The following MFSD8 variants were observed in gnomAD, a reference collection of about 807,000 sequenced individuals.
MFSD8 encodes the protein major facilitator superfamily domain-containing protein 8.
In MFSD8, 55 loss-of-function variants were observed where a neutral mutation model predicts 66.4. The ratio of observed to expected loss-of-function variants is 0.83; its 90% CI spans 0.67 to 1.04. MFSD8 has a LOEUF of 1.04. Among genes scored for constraint, MFSD8 ranks in the 50% least tolerant of loss-of-function variants. The probability of loss-of-function intolerance (pLI) is 0.00; values close to 1 mark genes in which losing one functional copy is unlikely to be tolerated. For synonymous variants in MFSD8, 202 were observed against 212.8 expected, an observed-to-expected ratio of 0.95 and a Z score of 0.44; for missense variants, 550 against 627.6, an observed-to-expected ratio of 0.88 and a Z score of 1.32.
At chr4:127,962,109 G>A (rs1346221324) in intron 1 of MFSD8, among the ~76,000 whole-genome samples, 6 of 152,280 alleles carry the variant, frequency 3.9e-5, no homozygotes, top group South Asian at 2.1e-4. Context: ...AACAGTCTGC[G>A]AGGAAAACAG....
At position 127,957,578 on chromosome 4, in the gene MFSD8, A is replaced by C. The variant is rs760049336; in HGVS notation, c.77T>G (p.Leu26Ter). 6.2e-7 allele frequency: 1 copy of C among 1,609,994 alleles called. No individual in the cohort carries two copies. The highest frequency in any genetic ancestry group is 1.7e-5 in the Admixed American group (1 of 59,900). Residue 26 changes from leucine to a stop codon, truncating the protein, a stop_gained, in exon 2 of 12, where the codon TTA becomes TGA. Transcript: ENST00000641686. LOFTEE classifies it high-confidence loss of function. Reference sequence around the variant, plus strand: ...GCTCTTATAATGCTCTTCAGTCTCTAAAATGTCCCATTCTCTAGGTGTAAA... The same window carrying C: ...GCTCTTATAATGCTCTTCAGTCTCTCAAATGTCCCATTCTCTAGGTGTAAA... ...DTPGSREWDI[L>*]ETEEHYKSRW... is the part of the protein sequence containing the mutation.
upstream of MFSD8, chr4:127,965,734 C>G (rs1288396368): frequency 6.0e-6 from 1 of 165,612 alleles, no homozygotes; most frequent in African/African-American, 2.4e-5. Context: ...GGGTCAGGGA[C>G]GCGGGGTGAG....
intron 1 of MFSD8, among the ~76,000 whole-genome samples, chr4:127,961,954 G>GAC (rs1000572297): frequency 6.6e-6 from 1 of 151,808 alleles, no homozygotes; most frequent in African/African-American, 2.4e-5. Flanking sequence ...AGGTTGTAAT[G>GAC]ACACACAGTT....
rs1378244554 is a variant in MFSD8 at position 127,949,785 on chromosome 4, T to C, written c.198+19A>G. 1 of 1,608,582 alleles carries C rather than the reference T, an allele frequency of 6.2e-7. No individual in the cohort carries two copies. The highest frequency in any genetic ancestry group is 1.3e-5 in the African/African-American group (1 of 74,780). On this transcript the variant is annotated intron_variant, in intron 3 of 11. Coordinates refer to ENST00000641686, the MANE Select transcript of MFSD8 (RefSeq NM_001371596.2). ...TACTACTGTAGCTATAAGGGAAAAA[T>C]AGATTGAAATGTACAAACCTTTTGG...
rs1736006761 is a variant in MFSD8 at position 127,918,000 on chromosome 4, T to G, written c.*2630A>C. The G allele has an allele frequency of 6.6e-6, 1 of 152,228 alleles. No homozygotes were observed. Among genetic ancestry groups the G allele is most frequent in the Non-Finnish European group, 1.5e-5 (1 of 68,034 alleles). 9.4% of individuals were successfully genotyped at this position (152,228 alleles called of 1,614,324 possible). A position where few individuals can be genotyped will look rare whatever the true frequency, so the allele number is the denominator to read the frequency against. On this transcript the variant is annotated 3_prime_UTR_variant, in exon 12 of 12. Transcript: ENST00000641686. The stretch of plus-strand genomic sequence containing the variant: ...CAAAAAATTAACAGATTTCACTTTA[T>G]GTAAGAGATAAGGTTTATATGAACA...
At chr4:127,938,608 TAA>T (rs1237346802) in intron 7 of MFSD8, among the ~76,000 whole-genome samples, 173 bp downstream of exon 7, 13 of 140,348 alleles carry the variant, frequency 9.3e-5, no homozygotes, top group African/African-American at 3.0e-4. Context: ...AATAAATAAA[TAA>T]ATAAATAAAT....
chr4:127,924,678 T>C (rs182684297), intron 9 of MFSD8, among the ~76,000 whole-genome samples: 9 of 152,280 alleles, frequency 5.9e-5, no homozygotes, highest in East Asian at 3.9e-4. Flanking sequence ...AAGTAACTTA[T>C]GGATTCAATG....
At position 127,939,800 on chromosome 4, in the gene MFSD8, C is replaced by G. The variant is rs1739829868; in HGVS notation, c.698+53G>C. 11 of 1,526,940 alleles carry G rather than the reference C, an allele frequency of 7.2e-6. No homozygotes were observed. The South Asian group carries it at 1.2e-4, about 17-fold the overall frequency. 94.6% of individuals were successfully genotyped at this position (1,526,940 alleles called of 1,614,324 possible). ...TAATTATCTTCCAACAATTACAAAG[C>G]TCATTAAATTTCACAATCTACAAAA... On this transcript the variant is annotated intron_variant, in intron 6 of 11. Transcript: ENST00000641686.
intron 3 of MFSD8, among the ~76,000 whole-genome samples, chr4:127,949,090 A>C (rs1179072464): frequency 6.6e-6 from 1 of 152,258 alleles, no homozygotes; most frequent in Non-Finnish European, 1.5e-5. Context: ...TTACAAGAGC[A>C]GTTTCAGGAC....
rs1488978360 is a variant in MFSD8, at chr4:127,947,886, ACACACACACACACT to A, written c.198+1904_198+1917del. 5.4e-5 allele frequency among the ~76,000 whole-genome samples: 8 copies of A among 149,252 alleles called. No individual in the cohort carries two copies. In the South Asian group the frequency reaches 1.7e-3, roughly 31 times the overall value. On this transcript the variant is annotated intron_variant, in intron 3 of 11. Transcript: ENST00000641686. ...TGAACACACACACACACACACACAC[ACACACACACACACT>A]CTCTCTCCAACCTCATAGAAAAACC...
At chr4:127,958,580 A>G (rs1743258233) in intron 1 of MFSD8, among the ~76,000 whole-genome samples, 1 of 152,164 alleles carries the variant, frequency 6.6e-6, no homozygotes, top group Non-Finnish European at 1.5e-5. Context: ...AGTGTTTAAC[A>G]CTATATATGT....
At chr4:127,938,476 A>C (rs1280234761) in intron 7 of MFSD8, among the ~76,000 whole-genome samples, 1 of 151,756 alleles carries the variant, frequency 6.6e-6, no homozygotes, top group Non-Finnish European at 1.5e-5. Flanking sequence ...CCAGCTACTC[A>C]GGAGGCTGAG....
chr4:127,920,302 C>A lies in MFSD8; in HGVS notation c.*328G>T, dbSNP rs1229385861. On this transcript the variant is annotated 3_prime_UTR_variant, in exon 12 of 12. Coordinates refer to ENST00000641686, the MANE Select transcript of MFSD8 (RefSeq NM_001371596.2). ...GTTCCACTGTATATTATTTTAATGA[C>A]ACTTCTGCAGTGGGTATTAAGAATA... 6.3e-6 allele frequency: 2 copies of A among 316,662 alleles called. No individual in the cohort carries two copies. Among genetic ancestry groups the A allele is most frequent in the East Asian group, 1.5e-4 (2 of 13,592 alleles). 19.6% of individuals were successfully genotyped at this position (316,662 alleles called of 1,614,324 possible).
chr4:127,957,823 A>C (rs111889722), intron 1 of MFSD8, among the ~76,000 whole-genome samples: 8 of 152,356 alleles, frequency 5.3e-5, no homozygotes, highest in African/African-American at 1.7e-4. Flanking sequence ...TAGTTTTAAA[A>C]GAGGAAACTT....
chr4:127,933,859 T>C (rs1240365123), intron 7 of MFSD8: 1 of 152,242 alleles, frequency 6.6e-6, no homozygotes, highest in African/African-American at 2.4e-5. Context: ...TATGATTTAC[T>C]ACAATGGATA....
Position 127,921,653 on chromosome 4 carries a change from C to T in MFSD8, c.1221G>A (p.Trp407Ter). 6.2e-7 allele frequency: 1 copy of T among 1,614,110 alleles called. No individual in the cohort carries two copies. The highest frequency in any genetic ancestry group is 8.5e-7 in the Non-Finnish European group (1 of 1,180,024). ...RPTGCSIEQAWCLYTPVIHLA... is the reference protein window; with the variant it reads ...RPTGCSIEQA ...GATGAATCACCGGGGTGTAGAGGCA[C>T]CAGGCTTGTTCAATCGAGCAACCAG... Residue 407 changes from tryptophan (W) to a stop codon, truncating the protein, a stop_gained, in exon 11 of 12, where the codon TGG becomes TGA. Coordinates refer to ENST00000641686, the MANE Select transcript of MFSD8 (RefSeq NM_001371596.2). LOFTEE classifies it high-confidence loss of function.
At chr4:127,950,977 C>T (rs1242068454) in intron 2 of MFSD8, among the ~76,000 whole-genome samples, 1 of 150,438 alleles carries the variant, frequency 6.6e-6, no homozygotes, top group Non-Finnish European at 1.5e-5. Context: ...AGGAGAATTG[C>T]TTGAACACGG....
At chr4:127,956,491 C>T (rs1431451536) in intron 2 of MFSD8, among the ~76,000 whole-genome samples, 1 of 138,954 alleles carries the variant, frequency 7.2e-6, no homozygotes, top group Non-Finnish European at 1.5e-5. Context: ...CAGTGCGAAA[C>T]TCCGTCTTGA....
chr4:127,920,683 C>T lies in MFSD8; in HGVS notation c.1504G>A (p.Val502Ile), dbSNP rs1283936998. The T allele has an allele frequency of 1.2e-6, 2 of 1,613,902 alleles. No individual in the cohort carries two copies. The highest frequency in any genetic ancestry group is 1.7e-6 in the Non-Finnish European group (2 of 1,180,016). Residue 502 changes from valine (V) to isoleucine (I), a missense_variant, in exon 12 of 12, where the codon GTT (valine) becomes ATT (isoleucine). Val to Ile is a conservative substitution (Grantham distance 29). Coordinates refer to ENST00000641686, the MANE Select transcript of MFSD8 (RefSeq NM_001371596.2). ...GAAAGAGCAATGAGTCTTTTGTAAA[C>T]CACTCCCAGGAGGGTGATGGTGAGC... ...IVLTITLLGVVYKRLIALSVR... is the reference protein window; with the variant it reads ...IVLTITLLGVIYKRLIALSVR...
Sources: gnomAD v4.1 joint callset for allele counts (sites outside exome capture counted in the v4.1 genomes callset) on GRCh38, gnomAD v4.1.1 for gene constraint, MANE v1.5 for transcripts, NCBI Gene and HGNC (gene_info 2026-07-23, HGNC 2026-07-21) for gene names.